Variants in GCN1 observed in about 807,000 individuals in gnomAD.
GCN1 encodes GCN1 activator of EIF2AK4.
In GCN1, 90 loss-of-function variants were observed where a neutral mutation model predicts 288.4. That is an observed-to-expected ratio of 0.31 (90% confidence interval 0.26 to 0.37). The LOEUF is 0.37. Among genes scored for constraint, GCN1 ranks in the 10% least tolerant of loss-of-function variants. The probability of loss-of-function intolerance (pLI) is 1.00; values close to 1 mark genes in which losing one functional copy is unlikely to be tolerated. For missense variants in GCN1, 2,586 were observed against 3,419.9 expected, an observed-to-expected ratio of 0.76 and a Z score of 6.08; for synonymous variants, 1,386 against 1,420.2, an observed-to-expected ratio of 0.98 and a Z score of 0.54.
chr12:120,153,693 C>A lies in GCN1; in HGVS notation c.3867+51G>T. 6.4e-7 allele frequency: 1 copy of A among 1,566,044 alleles called. No homozygotes were observed. Among genetic ancestry groups the A allele is most frequent in the Non-Finnish European group, 8.8e-7 (1 of 1,142,622 alleles). On this transcript the variant is annotated intron_variant, in intron 32 of 57. Coordinates refer to ENST00000300648, the MANE Select transcript of GCN1 (RefSeq NM_006836.2). The surrounding 1 kb of genome is among the most constrained non-coding windows in gnomAD (Gnocchi z 4.4). The stretch of plus-strand genomic sequence containing the variant: ...CTGCCTCCCGTGTCTCCTTAGCGGG[C>A]TGGGACCCCCTTACCTTCCCGTGGG...
At chr12:120,189,323 G>C (rs1000258072) in intron 2 of GCN1, among the ~76,000 whole-genome samples, 1 of 150,580 alleles carries the variant, frequency 6.6e-6, no homozygotes, top group African/African-American at 2.4e-5. Context: ...CACTCGCCTC[G>C]GCCTCCCAAA....
At chr12:120,130,565 G>T in intron 56 of GCN1, 81 bp downstream of exon 56, 1 of 873,376 alleles carries the variant, frequency 1.1e-6, no homozygotes, top group Non-Finnish European at 2.0e-6. Flanking sequence ...AGTTGAGGGC[G>T]CACTGCTGGT....
At chr12:120,180,233 A>C (rs1226661651) in intron 5 of GCN1, among the ~76,000 whole-genome samples, 2 of 152,068 alleles carry the variant, frequency 1.3e-5, no homozygotes, top group Non-Finnish European at 2.9e-5. Flanking sequence ...TGAACGCAGG[A>C]GAATCGCTTG....
At position 120,170,206 on chromosome 12, in the gene GCN1, C is replaced by A; in HGVS notation, c.1482G>T (p.Leu494Phe). Residue 494 changes from leucine (L) to phenylalanine (F), a missense_variant, in exon 15 of 58, where the codon TTG becomes TTT. Physicochemically the swap from Leu to Phe is conservative, Grantham distance 22. Transcript: ENST00000300648. ...PTITEGVAAA[L>F]LLLKLSVADS... The stretch of plus-strand genomic sequence containing the variant: ...CAGCCACTGACAACTTTAAGAGCAA[C>A]AAGGCTGCGGCAACCCCTTCAGTGA... The A allele has an allele frequency of 6.2e-7, 1 of 1,614,204 alleles. No homozygotes were observed. The highest frequency in any genetic ancestry group is 1.1e-5 in the South Asian group (1 of 91,092).
At position 120,129,494 on chromosome 12, in the gene GCN1, A is replaced by G. The variant is rs369059737; in HGVS notation, c.7672T>C (p.Cys2558Arg). Residue 2558 changes from cysteine (C) to arginine (R), a missense_variant and splice_region_variant, in exon 57 of 58, where the codon TGT becomes CGT. This residue lies in a region of GCN1 where 355 missense variants were observed against 431.1 expected (regional missense o/e 0.82). Transcript: ENST00000300648. ...ATGTCGCTGGATGGGTTCTGCAGAC[A>G]CTGTAAAAAGAACCACAAACAGGCT... The part of the protein sequence containing the change: ...PAKLSSLFVK[C>R]LQNPSSDIRL... 2 of 1,610,798 alleles carry G rather than the reference A, an allele frequency of 1.2e-6. No homozygotes were observed. The highest frequency in any genetic ancestry group is 1.7e-6 in the Non-Finnish European group (2 of 1,176,996).
At chr12:120,160,333 CT>C in intron 22 of GCN1, 78 bp from the exon 23 acceptor site, 1 of 1,015,160 alleles carries the variant, frequency 9.9e-7, no homozygotes, top group Non-Finnish European at 1.5e-6. Context: ...GGTGAGCTTG[CT>C]TCCACACAAA....
chr12:120,159,789 CT>C (rs1566308879), intron 24 of GCN1, 35 bp downstream of exon 24: 2 of 1,592,258 alleles, frequency 1.3e-6, no homozygotes, highest in Non-Finnish European at 1.7e-6. Context: ...AGGGGCACCC[CT>C]GGGCCATCCC....
chr12:120,152,439 T>C (rs1036955211), intron 33 of GCN1, among the ~76,000 whole-genome samples: 1 of 130,054 alleles, frequency 7.7e-6, no homozygotes, highest in African/African-American at 3.0e-5. Flanking sequence ...TATATATATA[T>C]TTATATATAT....
intron 2 of GCN1, among the ~76,000 whole-genome samples, chr12:120,188,375 A>C (rs569880471): frequency 3.2e-4 from 47 of 146,754 alleles, no homozygotes; most frequent in African/African-American, 1.2e-3. Context: ...CGGAGGTTGC[A>C]GTGAGCAGAG....
intron 34 of GCN1, 59 bp downstream of exon 34, chr12:120,151,086 T>G: frequency 2.5e-6 from 4 of 1,581,922 alleles, no homozygotes; most frequent in Non-Finnish European, 3.4e-6. Flanking sequence ...GATTCCTTCC[T>G]CTGGCAACCT....
At chr12:120,192,100 T>C (rs951235242) in intron 1 of GCN1, among the ~76,000 whole-genome samples, 4 of 152,222 alleles carry the variant, frequency 2.6e-5, no homozygotes, top group Non-Finnish European at 5.9e-5. Flanking sequence ...TGTTAATAAT[T>C]ACCCTTTCCC....
intron 55 of GCN1, 31 bp downstream of exon 55, chr12:120,131,134 CTGCCTATGGGATGTGGCCTA>C (rs1244711029): frequency 1.3e-6 from 2 of 1,564,344 alleles, no homozygotes; most frequent in Non-Finnish European, 1.8e-6. Context: ...CCACAAGGTG[CTGCCTATGGGATGTGGCCTA>C]TGCCTATGGG....
intron 39 of GCN1, 51 bp from the exon 40 acceptor site, chr12:120,145,112 A>G (rs1383041031): frequency 2.5e-6 from 4 of 1,610,772 alleles, no homozygotes; most frequent in Non-Finnish European, 3.4e-6. Flanking sequence ...GGCTCAAAAC[A>G]AGGTAGCCAC....
intron 31 of GCN1, among the ~76,000 whole-genome samples, chr12:120,154,225 G>C (rs1566306157): frequency 6.6e-6 from 1 of 152,208 alleles, no homozygotes; most frequent in African/African-American, 2.4e-5. Flanking sequence ...AGAACACAGA[G>C]GTAAAAGAAC....
intron 24 of GCN1, among the ~76,000 whole-genome samples, chr12:120,159,567 T>C (rs972277410): frequency 9.2e-5 from 14 of 152,214 alleles, no homozygotes; most frequent in African/African-American, 3.4e-4. Context: ...AAAACTGGTA[T>C]ACAAAGATCG....
At chr12:120,191,223 G>A (rs1399604206) in intron 1 of GCN1, among the ~76,000 whole-genome samples, 3 of 152,182 alleles carry the variant, frequency 2.0e-5, no homozygotes. Flanking sequence ...GAGTGGGGTC[G>A]AGAGCCACAG....
intron 56 of GCN1, among the ~76,000 whole-genome samples, chr12:120,129,749 C>G (rs1876753349): frequency 6.6e-6 from 1 of 152,182 alleles, no homozygotes; most frequent in African/African-American, 2.4e-5. Context: ...TCTGCCCTGG[C>G]TGGTCCCACA....
intron 31 of GCN1, among the ~76,000 whole-genome samples, chr12:120,154,642 G>A (rs1278163101): frequency 1.3e-5 from 2 of 152,236 alleles, no homozygotes; most frequent in Non-Finnish European, 2.9e-5. Flanking sequence ...TCACGGTCAC[G>A]CAGCTAGTGC....
chr12:120,136,741 A>C lies in GCN1; in HGVS notation c.6778-9T>G, dbSNP rs745707357. On this transcript the variant is annotated splice_polypyrimidine_tract_variant and intron_variant, in intron 50 of 57. Transcript: ENST00000300648. ...AGGATGGAGGTCACTCCCTGACAAG[A>C]GAACCACAACTGAGAGTCAAATCTC... 6 of 1,605,600 alleles carry C rather than the reference A, an allele frequency of 3.7e-6. No homozygotes were observed. Among genetic ancestry groups the C allele is most frequent in the Non-Finnish European group, 5.1e-6 (6 of 1,172,792 alleles).
Sources: allele counts gnomAD v4.1 joint callset (sites outside exome capture counted in the v4.1 genomes callset), GRCh38; gene constraint gnomAD v4.1.1; regional missense constraint gnomAD v4.1.1; non-coding constraint Gnocchi (gnomAD v3.1); transcripts MANE v1.5; gene names NCBI Gene and HGNC (gene_info 2026-07-23, HGNC 2026-07-21).